The following ARHGAP42 variants were observed in gnomAD, a reference collection of about 807,000 sequenced individuals.
ARHGAP42 encodes the protein Rho GTPase activating protein 42.
In ARHGAP42, 63 loss-of-function variants were observed where a neutral mutation model predicts 125.0. The ratio of observed to expected loss-of-function variants is 0.50; its 90% CI spans 0.41 to 0.62. ARHGAP42 has a LOEUF of 0.62. Ranked by LOEUF, ARHGAP42 falls within the 20% of genes least tolerant of loss-of-function variation. ARHGAP42 has a pLI of 0.00. For missense variants in ARHGAP42, 766 were observed against 1,024.2 expected, an observed-to-expected ratio of 0.75 and a Z score of 3.44; for synonymous variants, 339 against 351.0, an observed-to-expected ratio of 0.97 and a Z score of 0.38.
chr11:100,729,856 G>A (rs950107184), intron 1 of ARHGAP42, among the ~76,000 whole-genome samples: 8 of 149,600 alleles, frequency 5.3e-5, no homozygotes, highest in Non-Finnish European at 1.0e-4. Flanking sequence ...TTGTTGCCAG[G>A]TTGGAGTGCA....
At chr11:100,762,487 T>C (rs1862728581) in intron 1 of ARHGAP42, among the ~76,000 whole-genome samples, 1 of 152,208 alleles carries the variant, frequency 6.6e-6, no homozygotes, top group Non-Finnish European at 1.5e-5. Flanking sequence ...TTTCTGTTAG[T>C]TACTCAAACT....
chr11:100,949,943 C>A lies in ARHGAP42; in HGVS notation c.1149C>A (p.Ser383Arg). The A allele has an allele frequency of 1.4e-6, 2 of 1,468,980 alleles. No homozygotes were observed. Among genetic ancestry groups the A allele is most frequent in the South Asian group, 1.3e-5 (1 of 77,986 alleles). The allele number at this position is 1,468,980 out of a possible 1,614,324, so 91.0% of individuals were successfully genotyped here. ...EPIYTLPAIISKKEEMYLNEA... is the reference protein window; with the variant it reads ...EPIYTLPAIIRKKEEMYLNEA... The stretch of plus-strand genomic sequence containing the variant: ...TTTATACTCTGCCTGCCATTATAAG[C>A]AAGAAAGAAGAAAGTAAGTCATTTT... Residue 383 changes from serine (S) to arginine (R), a missense_variant, in exon 12 of 24, where the codon AGC (serine) becomes AGA (arginine). Transcript: ENST00000298815.
rs541011095 is a variant in ARHGAP42, at chr11:100,848,162, G to A, written c.313-11392G>A. Reference sequence around the variant, plus strand: ...TCATTAGCTTTGTATCTTTATGTTAGTATGCAAAGCTATTTTAATTTTGAT... The same window carrying A: ...TCATTAGCTTTGTATCTTTATGTTAATATGCAAAGCTATTTTAATTTTGAT... On this transcript the variant is annotated intron_variant, in intron 3 of 23. Coordinates refer to ENST00000298815, the MANE Select transcript of ARHGAP42 (RefSeq NM_152432.4). Among the ~76,000 whole-genome samples, 11 of 152,252 alleles carry A rather than the reference G, an allele frequency of 7.2e-5. No homozygotes were observed. In the South Asian group the frequency reaches 2.3e-3, roughly 32 times the overall value.
At chr11:100,867,016 C>T (rs1156709558) in intron 4 of ARHGAP42, among the ~76,000 whole-genome samples, 3 of 152,000 alleles carry the variant, frequency 2.0e-5, no homozygotes, top group African/African-American at 7.3e-5. Context: ...ACCTTTTTTC[C>T]TTAGCAAAAG....
intron 3 of ARHGAP42, among the ~76,000 whole-genome samples, chr11:100,810,326 T>G (rs1256735817): frequency 6.6e-6 from 1 of 152,258 alleles, no homozygotes; most frequent in Non-Finnish European, 1.5e-5. Flanking sequence ...GATAATTTAC[T>G]GTAATAATTC....
chr11:100,827,372 C>T (rs1404232388), intron 3 of ARHGAP42, among the ~76,000 whole-genome samples: 2 of 152,152 alleles, frequency 1.3e-5, no homozygotes, highest in Non-Finnish European at 2.9e-5. Context: ...ATGTGATTTT[C>T]CCCTAGTTGT....
intron 3 of ARHGAP42, among the ~76,000 whole-genome samples, chr11:100,796,825 A>T (rs1277248777): frequency 2.1e-5 from 3 of 141,138 alleles, no homozygotes; most frequent in Non-Finnish European, 4.5e-5. Context: ...GCTGGAGTGC[A>T]GTGGCGCGAT....
chr11:100,793,179 T>G (rs1863612445), intron 2 of ARHGAP42, among the ~76,000 whole-genome samples: 1 of 152,216 alleles, frequency 6.6e-6, no homozygotes, highest in Admixed American at 6.5e-5. Context: ...TTTTGTTGAC[T>G]TCTTCAAACT....
At chr11:100,968,871 G>C (rs538909572) in intron 17 of ARHGAP42, among the ~76,000 whole-genome samples, 9 of 152,058 alleles carry the variant, frequency 5.9e-5, no homozygotes, top group Middle Eastern at 3.4e-3. Context: ...TCAAGAAAAG[G>C]AAGGAGAAGA....
intron 22 of ARHGAP42, among the ~76,000 whole-genome samples, chr11:100,979,790 A>T (rs1186521530): frequency 6.6e-6 from 1 of 152,158 alleles, no homozygotes; most frequent in Non-Finnish European, 1.5e-5. Context: ...GAACTTGAAT[A>T]ACAAACCTTG....
chr11:100,922,116 G>A (rs932610102), intron 6 of ARHGAP42, among the ~76,000 whole-genome samples: 1 of 152,092 alleles, frequency 6.6e-6, no homozygotes, highest in African/African-American at 2.4e-5. Context: ...AAAAGAGGAT[G>A]TGCATTATCT....
rs1269445324 is a variant in ARHGAP42 at position 100,861,205 on chromosome 11, A to G, written c.384+1580A>G. On this transcript the variant is annotated intron_variant, in intron 4 of 23. Transcript: ENST00000298815. ...GGTGGGAAGGGAAAAAAACTTACAA[A>G]TATTCCAGAAAAGGGAATGGAATAT... Among the ~76,000 whole-genome samples, 4 of 152,192 alleles carry G rather than the reference A, an allele frequency of 2.6e-5. No individual in the cohort carries two copies. In the East Asian group the frequency reaches 7.7e-4, roughly 29 times the overall value.
chr11:100,966,353 G>A (rs1858094780), intron 17 of ARHGAP42, among the ~76,000 whole-genome samples: 1 of 152,106 alleles, frequency 6.6e-6, no homozygotes, highest in Admixed American at 6.6e-5. Context: ...TATATATAAA[G>A]AGATAGAGAT....
At chr11:100,937,935 C>T (rs1396871859) in intron 8 of ARHGAP42, among the ~76,000 whole-genome samples, 1 of 152,074 alleles carries the variant, frequency 6.6e-6, no homozygotes, top group Non-Finnish European at 1.5e-5. Flanking sequence ...CATGGATGGA[C>T]TAAGCGCAGT....
chr11:100,890,632 C>T (rs1022781521), intron 4 of ARHGAP42, among the ~76,000 whole-genome samples: 4 of 152,164 alleles, frequency 2.6e-5, no homozygotes, highest in African/African-American at 9.7e-5. Flanking sequence ...ATAGATATAA[C>T]TTACTATTTC....
chr11:100,895,493 C>CTTTTTTTTTTT lies in ARHGAP42; in HGVS notation c.385-17949_385-17939dup, dbSNP rs55789058. Among the ~76,000 whole-genome samples the CTTTTTTTTTTT allele has an allele frequency of 1.6e-5, 2 of 123,484 alleles. 1 individual carries two copies. Among genetic ancestry groups the CTTTTTTTTTTT allele is most frequent in the Non-Finnish European group, 3.4e-5 (2 of 58,674 alleles). The allele number at this position is 123,484 out of a possible 152,430, so 81.0% of individuals were successfully genotyped here. Reference sequence around the variant, plus strand: ...CAGAACTATTCTTATAAAAGAGCAACTTTTTTTTTTTTTTTTTTTTAATCC... The same window carrying CTTTTTTTTTTT: ...CAGAACTATTCTTATAAAAGAGCAACTTTTTTTTTTTTTTTTTTTTTTTTTTTTTTTAATCC... On this transcript the variant is annotated intron_variant, in intron 4 of 23. Coordinates refer to ENST00000298815, the MANE Select transcript of ARHGAP42 (RefSeq NM_152432.4).
At chr11:100,917,614 C>T (rs1867109276) in intron 5 of ARHGAP42, among the ~76,000 whole-genome samples, 1 of 152,116 alleles carries the variant, frequency 6.6e-6, no homozygotes, top group Admixed American at 6.5e-5. Flanking sequence ...CTCTGTTGCC[C>T]AGGCTGGAAT....
At chr11:100,801,492 A>G (rs972742908) in intron 3 of ARHGAP42, among the ~76,000 whole-genome samples, 3 of 152,302 alleles carry the variant, frequency 2.0e-5, no homozygotes, top group Admixed American at 1.3e-4. Flanking sequence ...TGAATATGTC[A>G]TCTTGGTAGT....
chr11:100,760,536 T>G (rs1455775109), intron 1 of ARHGAP42, among the ~76,000 whole-genome samples: 1 of 151,800 alleles, frequency 6.6e-6, no homozygotes, highest in African/African-American at 2.4e-5. Flanking sequence ...CCATCTCTAC[T>G]AAAAATACAA....
Sources: gnomAD v4.1 joint callset for allele counts (sites outside exome capture counted in the v4.1 genomes callset) on GRCh38, gnomAD v4.1.1 for gene constraint, MANE v1.5 for transcripts, NCBI Gene and HGNC (gene_info 2026-07-23, HGNC 2026-07-21) for gene names.